TGFBR1: variants seen among roughly 807,000 people sequenced by gnomAD.
The protein encoded by TGFBR1 is transforming growth factor beta receptor 1.
Under a neutral mutation model 55.1 loss-of-function variants are expected in TGFBR1, and 20 were observed. The observed-to-expected ratio is 0.36, with a 90% CI of 0.26 to 0.53. The LOEUF (loss-of-function observed/expected upper bound fraction) is 0.53. Ranked by LOEUF, TGFBR1 falls within the 20% of genes least tolerant of loss-of-function variation. The probability of loss-of-function intolerance (pLI) is 0.91; values close to 1 mark genes in which losing one functional copy is unlikely to be tolerated. For missense variants in TGFBR1, 385 were observed against 617.6 expected (o/e 0.62, Z 3.99); for synonymous variants, 220 against 214.8 (o/e 1.02, Z -0.21).
chr9:99,149,400 A>G lies in TGFBR1; in HGVS notation c.*95A>G, dbSNP rs1037832355. 33 of 1,531,928 alleles carry G rather than the reference A, an allele frequency of 2.2e-5. No homozygotes were observed. In the Admixed American group the frequency reaches 4.2e-4, roughly 19 times the overall value. 94.9% of individuals were successfully genotyped at this position (1,531,928 alleles called of 1,614,324 possible). ...TTGTTCTACCTCACTGAGAGGGAACAGAAGGATATTGCTTCCTTTTGCAGC... is the reference window on the plus strand; with the variant it reads ...TTGTTCTACCTCACTGAGAGGGAACGGAAGGATATTGCTTCCTTTTGCAGC... On this transcript the variant is annotated 3_prime_UTR_variant, in exon 9 of 9. Transcript: ENST00000374994.
At chr9:99,127,931 A>T in intron 1 of TGFBR1, 1 of 456,040 alleles carries the variant, frequency 2.2e-6, no homozygotes, top group South Asian at 1.5e-5. Flanking sequence ...GACAGAAATG[A>T]CTAATACAGG....
intron 1 of TGFBR1, among the ~76,000 whole-genome samples, chr9:99,128,208 A>G (rs888172985): frequency 7.2e-5 from 11 of 152,192 alleles, no homozygotes; most frequent in Admixed American, 3.9e-4. Flanking sequence ...TAGGTTGCCT[A>G]TGTGGTTGGA....
intron 3 of TGFBR1, among the ~76,000 whole-genome samples, chr9:99,136,614 A>C (rs1437476299): frequency 1.3e-5 from 2 of 152,164 alleles, no homozygotes; most frequent in South Asian, 4.1e-4. Flanking sequence ...TATAAACACA[A>C]ACAGTTATTT....
chr9:99,145,409 G>A (rs1286679479), intron 6 of TGFBR1, among the ~76,000 whole-genome samples: 1 of 152,172 alleles, frequency 6.6e-6, no homozygotes, highest in Admixed American at 6.5e-5. Context: ...CCCTGCCAGG[G>A]ACTGTCATAG....
intron 6 of TGFBR1, among the ~76,000 whole-genome samples, chr9:99,146,281 T>C (rs1827793545): frequency 6.6e-6 from 1 of 152,236 alleles, no homozygotes; most frequent in African/African-American, 2.4e-5. Context: ...AGTGTGAAAC[T>C]GCTATTTTAG....
intron 4 of TGFBR1, 69 bp downstream of exon 4, chr9:99,138,158 A>G (rs1454428104): frequency 1.5e-6 from 2 of 1,359,996 alleles, no homozygotes; most frequent in Non-Finnish European, 2.1e-6. Context: ...AGATATGGTG[A>G]CTAACCATCA....
chr9:99,134,853 T>TATATATATATATA (rs1827384418), intron 3 of TGFBR1, among the ~76,000 whole-genome samples: 43 of 117,840 alleles, frequency 3.6e-4, no homozygotes, highest in Non-Finnish European at 4.3e-4. Flanking sequence ...TATATATATA[T>TATATATATATATA]TTCTAGATCC....
chr9:99,141,876 T>C (rs1010302443), intron 4 of TGFBR1, among the ~76,000 whole-genome samples: 1 of 152,232 alleles, frequency 6.6e-6, no homozygotes, highest in Non-Finnish European at 1.5e-5. Context: ...TGTTTGAGTT[T>C]AGTCCCAGCT....
chr9:99,134,805 TATATATATATA>T (rs1564157132), intron 3 of TGFBR1, among the ~76,000 whole-genome samples: 2,337 of 31,780 alleles, frequency 0.074, 129 homozygotes, highest in Non-Finnish European at 0.09. Flanking sequence ...GTTTCCATTA[TATATATATATA>T]TATATATATA....
chr9:99,105,610 C>T (rs564178663), intron 1 of TGFBR1, among the ~76,000 whole-genome samples: 5 of 151,682 alleles, frequency 3.3e-5, no homozygotes, highest in Admixed American at 2.6e-4. Context: ...CCGGGGCTGC[C>T]CTCTGGGGTG....
At chr9:99,111,158 T>C (rs1826559001) in intron 1 of TGFBR1, among the ~76,000 whole-genome samples, 1 of 152,166 alleles carries the variant, frequency 6.6e-6, no homozygotes, top group Non-Finnish European at 1.5e-5. Flanking sequence ...TTACTATTTG[T>C]ATTGATTTAT....
rs556555554 is a variant in TGFBR1 at position 99,149,187 on chromosome 9, G to A, written c.1394G>A (p.Arg465Lys). The A allele has an allele frequency of 1.9e-6, 3 of 1,610,200 alleles. No individual in the cohort carries two copies. In the East Asian group the frequency reaches 6.7e-5, roughly 36 times the overall value. ...TTTTATATTTTCTTGTAGGCCTTGA[G>A]AGTAATGGCTAAAATTATGAGAGAA... is the stretch of plus-strand genomic sequence containing the variant. ...PNRWQSCEAL[R>K]VMAKIMRECW... The change falls in exon 9 of 9, where the codon AGA (arginine) becomes AAA (lysine). Residue 465 changes from arginine to lysine, a missense_variant. Physicochemically the swap from Arg to Lys is conservative, Grantham distance 26. This residue lies in a region of TGFBR1 where 110 missense variants were observed against 154.6 expected (regional missense o/e 0.71). Coordinates refer to ENST00000374994, the MANE Select transcript of TGFBR1 (RefSeq NM_004612.4).
At chr9:99,104,276 C>T (rs571480957), upstream of TGFBR1, among the ~76,000 whole-genome samples, 33 of 152,130 alleles carry the variant, frequency 2.2e-4, no homozygotes, top group Non-Finnish European at 4.3e-4. Context: ...GAAGGGGGAA[C>T]CCCTCCTTTG....
chr9:99,128,344 A>G (rs1827100755), intron 1 of TGFBR1, among the ~76,000 whole-genome samples: 1 of 152,000 alleles, frequency 6.6e-6, no homozygotes, highest in Admixed American at 6.6e-5. Flanking sequence ...CTGGCTCAGT[A>G]CAAATCTGTT....
chr9:99,112,518 C>T (rs1826617258), intron 1 of TGFBR1, among the ~76,000 whole-genome samples: 1 of 152,200 alleles, frequency 6.6e-6, no homozygotes, highest in South Asian at 2.1e-4. Flanking sequence ...TCCTTCCTAT[C>T]ATTCTATGCT....
In TGFBR1 at chr9:99,128,753, TTG is replaced by T. The variant is rs1827117886; in HGVS notation, c.98-97_98-96del. The T allele has an allele frequency of 3.4e-6, 5 of 1,467,306 alleles. No homozygotes were observed. In the Admixed American group the frequency reaches 8.5e-5, roughly 25 times the overall value. 90.9% of individuals were successfully genotyped at this position (1,467,306 alleles called of 1,614,324 possible). Reference sequence around the variant, plus strand: ...AAGAGCAACAAACAGTGCATAGAAATTGTGTGATAATAGGATCAAGAATGTAT... The same window carrying T: ...AAGAGCAACAAACAGTGCATAGAAATTGTGATAATAGGATCAAGAATGTAT... On this transcript the variant is annotated intron_variant, in intron 1 of 8. Coordinates refer to ENST00000374994, the MANE Select transcript of TGFBR1 (RefSeq NM_004612.4).
At chr9:99,127,291 A>G (rs1297623225) in intron 1 of TGFBR1, among the ~76,000 whole-genome samples, 2 of 152,148 alleles carry the variant, frequency 1.3e-5, no homozygotes, top group African/African-American at 4.8e-5. Context: ...AGTTCGCTTG[A>G]GCCTTGGTGT....
chr9:99,152,738 G>C lies in TGFBR1; in HGVS notation c.*3433G>C. The C allele has an allele frequency of 4.4e-6, 1 of 227,950 alleles. No individual in the cohort carries two copies. The highest frequency in any genetic ancestry group is 8.7e-6 in the Non-Finnish European group (1 of 114,692). The allele number at this position is 227,950 out of a possible 1,614,324, so 14.1% of individuals were successfully genotyped here. A position where few individuals can be genotyped will look rare whatever the true frequency, so the allele number is the denominator to read the frequency against. Reference sequence around the variant, plus strand: ...CAAATGGTAGTGATTCCAAATAATGGTTCTGTTAACACTTTGGCAGAAAAT... The same window carrying C: ...CAAATGGTAGTGATTCCAAATAATGCTTCTGTTAACACTTTGGCAGAAAAT... On this transcript the variant is annotated 3_prime_UTR_variant, in exon 9 of 9. Coordinates refer to ENST00000374994, the MANE Select transcript of TGFBR1 (RefSeq NM_004612.4).
intron 1 of TGFBR1, among the ~76,000 whole-genome samples, chr9:99,118,512 A>G (rs1177413737): frequency 6.6e-6 from 1 of 152,204 alleles, no homozygotes; most frequent in Non-Finnish European, 1.5e-5. Context: ...ATTTTTAAAT[A>G]TCATGAATAG....
Sources: allele counts gnomAD v4.1 joint callset (sites outside exome capture counted in the v4.1 genomes callset), GRCh38; gene constraint gnomAD v4.1.1; regional missense constraint gnomAD v4.1.1; transcripts MANE v1.5; gene names NCBI Gene and HGNC (gene_info 2026-07-23, HGNC 2026-07-21).